The following INSIG1 variants were observed in gnomAD, a reference collection of about 807,000 sequenced individuals.
The protein encoded by INSIG1 is insulin induced gene 1.
INSIG1 carries 14 observed loss-of-function variants against 26.5 expected under a neutral mutation model. The observed-to-expected ratio is 0.53, with a 90% CI of 0.35 to 0.83. INSIG1 has a LOEUF of 0.83. Ranked by LOEUF, INSIG1 falls within the 40% of genes least tolerant of loss-of-function variation. The probability of loss-of-function intolerance (pLI) is 0.01; values close to 1 mark genes in which losing one functional copy is unlikely to be tolerated. For synonymous variants in INSIG1, 147 were observed against 153.3 expected (o/e 0.96, Z 0.30); for missense variants, 272 against 368.9 (o/e 0.74, Z 2.15).
chr7:155,302,592 A>C lies in INSIG1; in HGVS notation c.705-155A>C. The C allele has an allele frequency of 1.1e-6, 1 of 917,116 alleles. No homozygotes were observed. The allele number at this position is 917,116 out of a possible 1,614,324, so 56.8% of individuals were successfully genotyped here. A position where few individuals can be genotyped will look rare whatever the true frequency, so the allele number is the denominator to read the frequency against. On this transcript the variant is annotated intron_variant, in intron 4 of 5. Transcript: ENST00000340368. This position sits in a 1 kb window ranked among gnomAD's most constrained non-coding sequence, Gnocchi z 4.3. ...ATAACTTAATGTAACGCAAAGGAAA[A>C]CCAAGTAGTAGCAGTTACAACCAAA... is the stretch of plus-strand genomic sequence containing the variant.
At position 155,308,328 on chromosome 7, in the gene INSIG1, G is replaced by A. The variant is rs773661802; in HGVS notation, c.*58G>A. 6.2e-7 allele frequency: 1 copy of A among 1,600,892 alleles called. No homozygotes were observed. The highest frequency in any genetic ancestry group is 8.6e-7 in the Non-Finnish European group (1 of 1,168,204). ...AGATTTTGGAAGAAAATCTGACTGT[G>A]GATTATGACAAAGATTATCTTTTTT... On this transcript the variant is annotated 3_prime_UTR_variant, in exon 6 of 6. Coordinates refer to ENST00000340368, the MANE Select transcript of INSIG1 (RefSeq NM_005542.6).
rs765913923 is a variant in INSIG1 at position 155,298,247 on chromosome 7, C to T, written c.-27-12C>T. On this transcript the variant is annotated splice_polypyrimidine_tract_variant and intron_variant, in intron 1 of 5. Coordinates refer to ENST00000340368, the MANE Select transcript of INSIG1 (RefSeq NM_005542.6). ...TCTCTTCTGAGTGAACTTGATGACC[C>T]CCTTCTTCCAGGAAGCGCCTCTTGG... 1.4e-6 allele frequency: 2 copies of T among 1,447,704 alleles called. No homozygotes were observed. The highest frequency in any genetic ancestry group is 3.0e-5 in the South Asian group (2 of 66,328). 89.7% of individuals were successfully genotyped at this position (1,447,704 alleles called of 1,614,324 possible).
intron 5 of INSIG1, among the ~76,000 whole-genome samples, chr7:155,306,951 C>T (rs1163347659): frequency 2.0e-5 from 3 of 152,222 alleles, no homozygotes; most frequent in Non-Finnish European, 2.9e-5. Context: ...GGCTGTCGTT[C>T]GTCTCTGGCG....
chr7:155,301,266 A>G (rs539117802), intron 2 of INSIG1, among the ~76,000 whole-genome samples: 1 of 152,364 alleles, frequency 6.6e-6, no homozygotes, highest in South Asian at 2.1e-4. Flanking sequence ...TATTAAATAT[A>G]AGGTTACATA....
At chr7:155,301,446 C>T (rs1797782531) in intron 2 of INSIG1, 120 bp from the exon 3 acceptor site, 2 of 848,820 alleles carry the variant, frequency 2.4e-6, no homozygotes, top group Non-Finnish European at 1.7e-6. Flanking sequence ...GAAGTTATAG[C>T]TGATAATTTT....
At chr7:155,308,145 C>A (rs9769506) in intron 5 of INSIG1, 96 bp from the exon 6 acceptor site, 318,438 of 660,052 alleles carry the variant, frequency 0.48, 83,361 homozygotes, top group Non-Finnish European at 0.54. Flanking sequence ...AAGTGTCAAT[C>A]TTTCCCATGT....
intron 2 of INSIG1, 40 bp downstream of exon 2, chr7:155,298,737 G>A: frequency 6.4e-7 from 1 of 1,567,446 alleles, no homozygotes; most frequent in East Asian, 2.2e-5. Context: ...TAAAAAGGGT[G>A]TCTTTTCGGT....
In INSIG1 at chr7:155,298,462, G is replaced by C; in HGVS notation, c.177G>C (p.Ala59=). Residue 59 remains alanine (A), a synonymous_variant, in exon 2 of 6, where the codon GCG becomes GCC. Coordinates refer to ENST00000340368, the MANE Select transcript of INSIG1 (RefSeq NM_005542.6). The part of the protein sequence containing the change: ...AAHGAPDADP[A]PRGRSAAMSG... ...ACGGTGCCCCGGACGCTGACCCCGC[G>C]CCCAGGGGCCGCAGTGCTGCGATGA... is the stretch of plus-strand genomic sequence containing the variant. 1 of 1,556,892 alleles carries C rather than the reference G, an allele frequency of 6.4e-7. No individual in the cohort carries two copies. The highest frequency in any genetic ancestry group is 8.7e-7 in the Non-Finnish European group (1 of 1,152,376).
intron 2 of INSIG1, among the ~76,000 whole-genome samples, chr7:155,300,032 G>C (rs1368003396): frequency 6.6e-6 from 1 of 152,196 alleles, no homozygotes; most frequent in South Asian, 2.1e-4. Flanking sequence ...ATTTGTTCTC[G>C]GAGGGACGGG....
chr7:155,300,037 G>A (rs987626068), intron 2 of INSIG1, among the ~76,000 whole-genome samples: 1 of 152,174 alleles, frequency 6.6e-6, no homozygotes, highest in African/African-American at 2.4e-5. Context: ...TTCTCGGAGG[G>A]ACGGGATCCT....
intron 5 of INSIG1, among the ~76,000 whole-genome samples, chr7:155,305,736 C>T (rs1797919310): frequency 6.6e-6 from 1 of 152,086 alleles, no homozygotes; most frequent in African/African-American, 2.4e-5. Flanking sequence ...CACTCCACAC[C>T]CTCTCCTTCT....
chr7:155,308,488 G>C lies in INSIG1; in HGVS notation c.*218G>C. On this transcript the variant is annotated 3_prime_UTR_variant, in exon 6 of 6. Coordinates refer to ENST00000340368, the MANE Select transcript of INSIG1 (RefSeq NM_005542.6). ...CCCTTGACTGCCCGCACTGGCGCCTGTCTGTGCCCTGGAGCATTCTGCCCA... is the reference window on the plus strand; with the variant it reads ...CCCTTGACTGCCCGCACTGGCGCCTCTCTGTGCCCTGGAGCATTCTGCCCA... 1.6e-6 allele frequency: 1 copy of C among 621,660 alleles called. No homozygotes were observed. The highest frequency in any genetic ancestry group is 2.9e-6 in the Non-Finnish European group (1 of 342,390). 38.5% of individuals were successfully genotyped at this position (621,660 alleles called of 1,614,324 possible). A position where few individuals can be genotyped will look rare whatever the true frequency, so the allele number is the denominator to read the frequency against.
chr7:155,303,781 AG>A (rs758407859), intron 5 of INSIG1: 13 of 1,135,792 alleles, frequency 1.1e-5, no homozygotes, highest in Non-Finnish European at 1.6e-5. Context: ...AACTTATCTT[AG>A]TACCTCATGC....
intron 5 of INSIG1, among the ~76,000 whole-genome samples, chr7:155,305,787 A>G (rs908489122): frequency 6.6e-6 from 1 of 152,152 alleles, no homozygotes; most frequent in African/African-American, 2.4e-5. Flanking sequence ...GTTCTAACTT[A>G]TGCTTCCCTC....
At chr7:155,306,985 C>G (rs1446424230) in intron 5 of INSIG1, among the ~76,000 whole-genome samples, 1 of 152,226 alleles carries the variant, frequency 6.6e-6, no homozygotes, top group Non-Finnish European at 1.5e-5. Context: ...TCACTGTGGC[C>G]TCTGTCGACC....
chr7:155,305,977 T>C (rs77307556), intron 5 of INSIG1, among the ~76,000 whole-genome samples: 5,543 of 152,238 alleles, frequency 0.036, 133 homozygotes, highest in Non-Finnish European at 0.054. Flanking sequence ...TTACGGTTTT[T>C]TTGTTTGCTT....
In INSIG1 at chr7:155,298,657, C is replaced by G. The variant is rs1221526633; in HGVS notation, c.372C>G (p.Ser124=). The G allele has an allele frequency of 1.2e-6, 2 of 1,612,724 alleles. No individual in the cohort carries two copies. The highest frequency in any genetic ancestry group is 8.5e-7 in the Non-Finnish European group (1 of 1,179,970). Residue 124 remains serine, a synonymous_variant, in exon 2 of 6, where the codon TCC becomes TCG. Transcript: ENST00000340368. ...FPEEVIATIF[S]SAWWVPPCCG... The stretch of plus-strand genomic sequence containing the variant: ...AGGAGGTGATCGCCACCATCTTTTC[C>G]TCCGCCTGGTGGGTCCCTCCCTGCT...
chr7:155,298,707 C>G lies in INSIG1; in HGVS notation c.412+10C>G. The G allele has an allele frequency of 6.2e-7, 1 of 1,601,836 alleles. No homozygotes were observed. The highest frequency in any genetic ancestry group is 8.5e-7 in the Non-Finnish European group (1 of 1,176,086). ...TGCGGGACAGCAGCTGGTGAGTACC[C>G]CTCCTGGTTCTTCTGGAAGTAAAAA... On this transcript the variant is annotated intron_variant, in intron 2 of 5. Coordinates refer to ENST00000340368, the MANE Select transcript of INSIG1 (RefSeq NM_005542.6).
chr7:155,303,470 C>T (rs959587640), intron 5 of INSIG1, among the ~76,000 whole-genome samples: 41 of 152,338 alleles, frequency 2.7e-4, no homozygotes, highest in African/African-American at 9.9e-4. Context: ...GTGGCCGGGT[C>T]ACCATGTAGA....
Sources: gnomAD v4.1 joint callset for allele counts (sites outside exome capture counted in the v4.1 genomes callset) on GRCh38, gnomAD v4.1.1 for gene constraint, Gnocchi (gnomAD v3.1) non-coding constraint, MANE v1.5 for transcripts, NCBI Gene and HGNC (gene_info 2026-07-23, HGNC 2026-07-21) for gene names.